Variants in ATP23 observed in about 807,000 individuals in gnomAD.
ATP23 encodes mitochondrial inner membrane protease ATP23 homolog.
Under a neutral mutation model 28.5 loss-of-function variants are expected in ATP23, and 24 were observed. The ratio of observed to expected loss-of-function variants is 0.84; its 90% CI spans 0.61 to 1.18. The LOEUF (loss-of-function observed/expected upper bound fraction) is 1.18. ATP23 is among the 50% of genes most tolerant of loss of function. The pLI is 0.00. For synonymous variants in ATP23, 99 were observed against 108.6 expected, an observed-to-expected ratio of 0.91 and a Z score of 0.55; for missense variants, 274 against 306.4, an observed-to-expected ratio of 0.89 and a Z score of 0.79.
At chr12:57,944,165 T>C (rs1956737436) in intron 1 of ATP23, among the ~76,000 whole-genome samples, 1 of 152,050 alleles carries the variant, frequency 6.6e-6, no homozygotes, top group Non-Finnish European at 1.5e-5. Flanking sequence ...TGGTGCCTGC[T>C]ACCTGGTATT....
rs1211642539 is a variant in ATP23, at chr12:57,941,745, G to A, written c.44G>A (p.Gly15Glu). ...PDERRRGPAA[G>E]EQLQQQHVSC... is the part of the protein sequence containing the mutation. ...GAGCGCCGGCGGGGCCCCGCGGCAG[G>A]GGAGCAGCTGCAGCAGCAACACGTC... Residue 15 changes from glycine (G) to glutamate (E), a missense_variant, in exon 1 of 6, where the codon GGG (glycine) becomes GAG (glutamate). By Grantham distance (98) the Gly-to-Glu change is moderately conservative (BLOSUM62 -2). Coordinates refer to ENST00000300145, the MANE Select transcript of ATP23 (RefSeq NM_033276.4). 6 of 1,597,490 alleles carry A rather than the reference G, an allele frequency of 3.8e-6. No homozygotes were observed. Among genetic ancestry groups the A allele is most frequent in the Non-Finnish European group, 5.1e-6 (6 of 1,172,964 alleles).
At chr12:57,955,044 C>T (rs1048212579) in intron 5 of ATP23, among the ~76,000 whole-genome samples, 1 of 151,942 alleles carries the variant, frequency 6.6e-6, no homozygotes, top group Non-Finnish European at 1.5e-5. Flanking sequence ...TGTGTTCTGG[C>T]TGTCAGTGGA....
chr12:57,945,728 C>A, intron 2 of ATP23, 55 bp downstream of exon 2: 3 of 1,520,580 alleles, frequency 2.0e-6, no homozygotes, highest in Non-Finnish European at 2.7e-6. Flanking sequence ...AAAACAAAAA[C>A]CAAGTTCTCT....
intron 1 of ATP23, among the ~76,000 whole-genome samples, chr12:57,943,851 A>G (rs138941184): frequency 3.9e-5 from 6 of 152,288 alleles, no homozygotes; most frequent in African/African-American, 9.6e-5. Context: ...GTAGGAATCA[A>G]TGGACCTTGA....
In ATP23 at chr12:57,953,651, A is replaced by G; in HGVS notation, c.499A>G (p.Ile167Val). The change falls in exon 5 of 6, where the codon ATA becomes GTA. Residue 167 changes from isoleucine to valine, a missense_variant. Ile to Val is a conservative substitution (Grantham distance 29). Transcript: ENST00000300145. Reference sequence around the variant, plus strand: ...TGGAGACTGCTCACTTGTCAATGAAATATTCAGGTTACATTTTGGATTAAA... The same window carrying G: ...TGGAGACTGCTCACTTGTCAATGAAGTATTCAGGTTACATTTTGGATTAAA... ...LSGDCSLVNEIFRLHFGLKQH... is the reference protein window; with the variant it reads ...LSGDCSLVNEVFRLHFGLKQH... The G allele has an allele frequency of 1.9e-6, 3 of 1,614,160 alleles. No individual in the cohort carries two copies. The highest frequency in any genetic ancestry group is 2.5e-6 in the Non-Finnish European group (3 of 1,180,022).
chr12:57,947,059 G>C lies in ATP23; in HGVS notation c.298G>C (p.Asp100His). ...DCNGNVSGGFDASTSQIVLCQ... is the reference protein window; with the variant it reads ...DCNGNVSGGFHASTSQIVLCQ... Reference sequence around the variant, plus strand: ...TAATGGAAATGTCAGTGGAGGTTTTGATGCTTCAACATCTCAGGTAGGCAT... The same window carrying C: ...TAATGGAAATGTCAGTGGAGGTTTTCATGCTTCAACATCTCAGGTAGGCAT... Residue 100 changes from aspartate (D) to histidine (H), a missense_variant, in exon 3 of 6, where the codon GAT becomes CAT. Coordinates refer to ENST00000300145, the MANE Select transcript of ATP23 (RefSeq NM_033276.4). The C allele has an allele frequency of 6.2e-7, 1 of 1,614,018 alleles. No homozygotes were observed. The highest frequency in any genetic ancestry group is 8.5e-7 in the Non-Finnish European group (1 of 1,179,954).
chr12:57,951,614 G>T lies in ATP23; in HGVS notation c.316-144G>T, dbSNP rs970582077. 10 of 855,146 alleles carry T rather than the reference G, an allele frequency of 1.2e-5. No homozygotes were observed. In the African/African-American group the frequency reaches 1.7e-4, roughly 14 times the overall value. The allele number at this position is 855,146 out of a possible 1,614,324, so 53.0% of individuals were successfully genotyped here. A position where few individuals can be genotyped will look rare whatever the true frequency, so the allele number is the denominator to read the frequency against. ...ACTAGGACTTGTCCCATGGGTAGATGTGTGGCCAATGAAGAAGAGTGGGTA... is the reference window on the plus strand; with the variant it reads ...ACTAGGACTTGTCCCATGGGTAGATTTGTGGCCAATGAAGAAGAGTGGGTA... On this transcript the variant is annotated intron_variant, in intron 3 of 5. Transcript: ENST00000300145.
intron 5 of ATP23, among the ~76,000 whole-genome samples, chr12:57,954,942 C>G (rs1956851347): frequency 6.6e-6 from 1 of 151,904 alleles, no homozygotes; most frequent in Non-Finnish European, 1.5e-5. Flanking sequence ...GGTGTTCAGC[C>G]TCTGCCAGGT....
intron 2 of ATP23, 88 bp from the exon 3 acceptor site, chr12:57,946,907 A>T: frequency 9.6e-7 from 1 of 1,045,896 alleles, no homozygotes; most frequent in Non-Finnish European, 1.4e-6. Flanking sequence ...GATTTACTAT[A>T]TGGTGGAGGG....
At chr12:57,952,820 C>T (rs1411418317) in intron 4 of ATP23, among the ~76,000 whole-genome samples, 1 of 152,010 alleles carries the variant, frequency 6.6e-6, no homozygotes, top group African/African-American at 2.4e-5. Context: ...GGAATGAGGC[C>T]ATAATATTGA....
At chr12:57,954,143 C>CG (rs1565877726) in intron 5 of ATP23, among the ~76,000 whole-genome samples, 1 of 141,194 alleles carries the variant, frequency 7.1e-6, no homozygotes, top group African/African-American at 2.8e-5. Flanking sequence ...TGCAGTGAGC[C>CG]GAGATCATGC....
rs1956877114 is a variant in ATP23 at position 57,957,160 on chromosome 12, A to T, written c.*270A>T. 1 of 301,126 alleles carries T rather than the reference A, an allele frequency of 3.3e-6. No homozygotes were observed. The highest frequency in any genetic ancestry group is 6.0e-6 in the Non-Finnish European group (1 of 166,480). 18.7% of individuals were successfully genotyped at this position (301,126 alleles called of 1,614,324 possible). Reference sequence around the variant, plus strand: ...TATTTTAGTCATTTGTTTTTATTACATGTGATTATTTTAAAATTTGATTAT... The same window carrying T: ...TATTTTAGTCATTTGTTTTTATTACTTGTGATTATTTTAAAATTTGATTAT... On this transcript the variant is annotated 3_prime_UTR_variant, in exon 6 of 6. Transcript: ENST00000300145.
intron 2 of ATP23, among the ~76,000 whole-genome samples, chr12:57,946,194 C>G (rs889739006): frequency 2.0e-5 from 3 of 151,984 alleles, no homozygotes; most frequent in African/African-American, 7.3e-5. Context: ...TACCATTCAC[C>G]TTGGGTGATT....
chr12:57,952,959 T>C (rs1260802982), intron 4 of ATP23, among the ~76,000 whole-genome samples: 7 of 152,244 alleles, frequency 4.6e-5, no homozygotes, highest in Non-Finnish European at 8.8e-5. Flanking sequence ...TCTGAAAATA[T>C]GTCCTAATTT....
chr12:57,941,961 G>GCAACA (rs1956709142), intron 1 of ATP23, 73 bp downstream of exon 1: 1 of 1,549,086 alleles, frequency 6.5e-7, no homozygotes, highest in Middle Eastern at 1.8e-4. Flanking sequence ...AAGGGCCTGG[G>GCAACA]CAACACCTGG....
intron 3 of ATP23, among the ~76,000 whole-genome samples, chr12:57,947,900 T>C (rs1188080770): frequency 1.3e-5 from 2 of 152,242 alleles, no homozygotes; most frequent in Admixed American, 1.3e-4. Context: ...GTATAATTCA[T>C]ACTTAACTAC....
chr12:57,952,827 T>C (rs1956828304), intron 4 of ATP23, among the ~76,000 whole-genome samples: 1 of 152,174 alleles, frequency 6.6e-6, no homozygotes, highest in African/African-American at 2.4e-5. Context: ...GGCCATAATA[T>C]TGAAGAAGGA....
At chr12:57,952,617 C>G (rs893665431) in intron 4 of ATP23, among the ~76,000 whole-genome samples, 2 of 152,164 alleles carry the variant, frequency 1.3e-5, no homozygotes, top group Non-Finnish European at 2.9e-5. Context: ...AAATCTCAAG[C>G]CTATACTATA....
chr12:57,953,545 T>C, intron 4 of ATP23, 61 bp from the exon 5 acceptor site: 1 of 1,366,526 alleles, frequency 7.3e-7, no homozygotes, highest in East Asian at 2.3e-5. Flanking sequence ...AATTGGTTGA[T>C]ATCATAAAGA....
Sources: allele counts gnomAD v4.1 joint callset (sites outside exome capture counted in the v4.1 genomes callset), GRCh38; gene constraint gnomAD v4.1.1; transcripts MANE v1.5; gene names NCBI Gene and HGNC (gene_info 2026-07-23, HGNC 2026-07-21).